The following REEP3 variants were observed in gnomAD, a reference collection of about 807,000 sequenced individuals.
REEP3 encodes receptor expression-enhancing protein 3.
In REEP3, 20 loss-of-function variants were observed where a neutral mutation model predicts 41.3. The observed-to-expected ratio is 0.48, with a 90% CI of 0.34 to 0.70. REEP3 has a LOEUF of 0.70. Ranked by LOEUF, REEP3 falls within the 30% of genes least tolerant of loss-of-function variation. The pLI, the probability that REEP3 is intolerant of heterozygous loss-of-function variation, is 0.01. For missense variants in REEP3, 271 were observed against 308.8 expected (o/e 0.88, Z 0.92); for synonymous variants, 104 against 101.8 (o/e 1.02, Z -0.13).
chr10:63,531,948 CTA>C (rs1369142602), intron 1 of REEP3, among the ~76,000 whole-genome samples: 1 of 152,120 alleles, frequency 6.6e-6, no homozygotes, highest in African/African-American at 2.4e-5. Context: ...TTCAAAATTC[CTA>C]TGTTTACAGA....
At chr10:63,614,631 A>G (rs1177599848) in intron 6 of REEP3, among the ~76,000 whole-genome samples, 3 of 152,226 alleles carry the variant, frequency 2.0e-5, no homozygotes, top group African/African-American at 7.2e-5. Context: ...CAGAAGTCCT[A>G]GAAGCAGCAT....
In REEP3 at chr10:63,597,973, C is replaced by T. The variant is rs1956132004; in HGVS notation, c.183-51C>T. 5 of 1,518,828 alleles carry T rather than the reference C, an allele frequency of 3.3e-6. No individual in the cohort carries two copies. In the African/African-American group the frequency reaches 4.2e-5, roughly 13 times the overall value. The allele number at this position is 1,518,828 out of a possible 1,614,324, so 94.1% of individuals were successfully genotyped here. A position where few individuals can be genotyped will look rare whatever the true frequency, so the allele number is the denominator to read the frequency against. ...TTAAAAGGTGTTTTTGTGATTTCTA[C>T]AGTGGTTTGTTTTTCACTGGCAGTT... On this transcript the variant is annotated intron_variant, in intron 3 of 7. Coordinates refer to ENST00000373758, the MANE Select transcript of REEP3 (RefSeq NM_001001330.3).
At chr10:63,525,977 G>A (rs1955360771) in intron 1 of REEP3, among the ~76,000 whole-genome samples, 1 of 152,102 alleles carries the variant, frequency 6.6e-6, no homozygotes, top group African/African-American at 2.4e-5. Flanking sequence ...AATGTCCATA[G>A]TCCAGCATCT....
chr10:63,613,293 A>G (rs995032268), intron 6 of REEP3, among the ~76,000 whole-genome samples: 2 of 152,246 alleles, frequency 1.3e-5, no homozygotes, highest in African/African-American at 4.8e-5. Context: ...TACAGGCGTG[A>G]GCCACTGTGC....
chr10:63,567,624 A>G (rs1450353152), intron 2 of REEP3, among the ~76,000 whole-genome samples: 1 of 152,160 alleles, frequency 6.6e-6, no homozygotes, highest in Admixed American at 6.5e-5. Context: ...TCTTTTGGCT[A>G]TTATGAATAG....
At chr10:63,556,518 A>C (rs369280804) in intron 1 of REEP3, among the ~76,000 whole-genome samples, 40 of 142,778 alleles carry the variant, frequency 2.8e-4, no homozygotes, top group Non-Finnish European at 5.3e-4. Context: ...TGACAGAAAA[A>C]TTTGCCCTCT....
chr10:63,565,651 T>C (rs1564480110), intron 1 of REEP3, among the ~76,000 whole-genome samples: 1 of 152,208 alleles, frequency 6.6e-6, no homozygotes, highest in African/African-American at 2.4e-5. Flanking sequence ...TTAGGTATAC[T>C]ACACGTGGAT....
At chr10:63,531,726 A>G (rs1397543868) in intron 1 of REEP3, among the ~76,000 whole-genome samples, 4 of 152,198 alleles carry the variant, frequency 2.6e-5, no homozygotes, top group African/African-American at 4.8e-5. Flanking sequence ...TTTACGAGAT[A>G]TAGTCCGCTC....
At chr10:63,534,231 T>C (rs539844242) in intron 1 of REEP3, among the ~76,000 whole-genome samples, 1 of 152,176 alleles carries the variant, frequency 6.6e-6, no homozygotes, top group Non-Finnish European at 1.5e-5. Flanking sequence ...TGTTATATCT[T>C]GAAGTATTAT....
rs367820586 is a variant in REEP3, at chr10:63,556,626, G to GTT, written c.33-9711_33-9710dup. Among the ~76,000 whole-genome samples, 212 of 87,086 alleles carry GTT rather than the reference G, an allele frequency of 2.4e-3. 8 individuals carry two copies. Among genetic ancestry groups the GTT allele is most frequent in the African/African-American group, 8.3e-3 (204 of 24,690 alleles). The allele number at this position is 87,086 out of a possible 152,430, so 57.1% of individuals were successfully genotyped here. A position where few individuals can be genotyped will look rare whatever the true frequency, so the allele number is the denominator to read the frequency against. On this transcript the variant is annotated intron_variant, in intron 1 of 7. Coordinates refer to ENST00000373758, the MANE Select transcript of REEP3 (RefSeq NM_001001330.3). Reference sequence around the variant, plus strand: ...TTTCTGTTTGCTTGTTTTTTTTTTTGTTGTTTTGTTTTTTTTTTTTTTTTT... The same window carrying GTT: ...TTTCTGTTTGCTTGTTTTTTTTTTTGTTTTGTTTTGTTTTTTTTTTTTTTTTT...
At chr10:63,595,785 C>A (rs1956109170) in intron 3 of REEP3, among the ~76,000 whole-genome samples, 1 of 152,180 alleles carries the variant, frequency 6.6e-6, no homozygotes, top group African/African-American at 2.4e-5. Flanking sequence ...ACCATGTTAG[C>A]CAGGCTGGTC....
chr10:63,546,427 G>A (rs530354835), intron 1 of REEP3, among the ~76,000 whole-genome samples: 1 of 152,244 alleles, frequency 6.6e-6, no homozygotes, highest in South Asian at 2.1e-4. Flanking sequence ...AACCTCATGA[G>A]TTCATGAAGT....
At chr10:63,596,611 A>G (rs1352195013) in intron 3 of REEP3, among the ~76,000 whole-genome samples, 3 of 152,200 alleles carry the variant, frequency 2.0e-5, no homozygotes, top group East Asian at 3.8e-4. Context: ...TCTCACAGAC[A>G]ACAAGATACT....
At position 63,558,538 on chromosome 10, in the gene REEP3, G is replaced by A. The variant is rs147228379; in HGVS notation, c.33-7800G>A. 5.5e-3 allele frequency among the ~76,000 whole-genome samples: 833 copies of A among 152,282 alleles called. 4 individuals carry two copies. Among genetic ancestry groups the A allele is most frequent in the African/African-American group, 0.019 (785 of 41,558 alleles). Reference sequence around the variant, plus strand: ...ACAGTGGTTCACACCTGCAATCCCAGCACTTTGGGAGGCCGAGGCAGACAG... The same window carrying A: ...ACAGTGGTTCACACCTGCAATCCCAACACTTTGGGAGGCCGAGGCAGACAG... On this transcript the variant is annotated intron_variant, in intron 1 of 7. Transcript: ENST00000373758.
At chr10:63,529,705 C>G (rs1955400833) in intron 1 of REEP3, among the ~76,000 whole-genome samples, 1 of 151,614 alleles carries the variant, frequency 6.6e-6, no homozygotes. Context: ...TGGCCTCAAG[C>G]ATTCCTACCA....
chr10:63,617,299 C>G (rs1344359415), intron 6 of REEP3, among the ~76,000 whole-genome samples: 1 of 152,170 alleles, frequency 6.6e-6, no homozygotes, highest in Admixed American at 6.5e-5. Flanking sequence ...ATATACAATG[C>G]AAGTTGCTTA....
At chr10:63,597,341 A>G (rs1237675306) in intron 3 of REEP3, among the ~76,000 whole-genome samples, 1 of 152,194 alleles carries the variant, frequency 6.6e-6, no homozygotes. Context: ...TCATTCTCTG[A>G]TAGGCACAAC....
intron 1 of REEP3, among the ~76,000 whole-genome samples, chr10:63,559,152 A>G (rs1955718248): frequency 6.6e-6 from 1 of 152,184 alleles, no homozygotes; most frequent in Non-Finnish European, 1.5e-5. Flanking sequence ...TTAACAAGCT[A>G]CAATTTAAAT....
chr10:63,616,289 C>T (rs1009318051), intron 6 of REEP3, among the ~76,000 whole-genome samples: 5 of 152,168 alleles, frequency 3.3e-5, no homozygotes, highest in African/African-American at 1.2e-4. Context: ...CATTCTCTTA[C>T]TGTATGCCCT....
Sources: gnomAD v4.1 joint callset for allele counts (sites outside exome capture counted in the v4.1 genomes callset) on GRCh38, gnomAD v4.1.1 for gene constraint, MANE v1.5 for transcripts, NCBI Gene and HGNC (gene_info 2026-07-23, HGNC 2026-07-21) for gene names.